Variants in KIF9 observed in about 807,000 individuals in gnomAD.
KIF9 encodes the protein kinesin-like protein KIF9.
KIF9 carries 68 observed loss-of-function variants against 94.8 expected under a neutral mutation model. The ratio of observed to expected loss-of-function variants is 0.72; its 90% CI spans 0.59 to 0.88. KIF9 has a LOEUF of 0.88. Among genes scored for constraint, KIF9 ranks in the 40% least tolerant of loss-of-function variants. KIF9 has a pLI of 0.00. For missense variants in KIF9, 882 were observed against 982.5 expected (o/e 0.90, Z 1.37); for synonymous variants, 343 against 362.1 (o/e 0.95, Z 0.60).
At position 47,255,934 on chromosome 3, in the gene KIF9, A is replaced by T. The variant is rs1006555482; in HGVS notation, c.1059+1549T>A. On this transcript the variant is annotated intron_variant, in intron 10 of 20. Coordinates refer to ENST00000684063, the MANE Select transcript of KIF9 (RefSeq NM_182902.4). ...GCCACCACACCTGACTGGTTTTCCT[A>T]TTTTTTTGGTGGAGACGGGGTTTCG... is the stretch of plus-strand genomic sequence containing the variant. Among the ~76,000 whole-genome samples, 6 of 151,956 alleles carry T rather than the reference A, an allele frequency of 3.9e-5. No individual in the cohort carries two copies. The South Asian group carries it at 1.2e-3, about 32-fold the overall frequency.
At chr3:47,242,378 A>G (rs2107182256) in intron 16 of KIF9, among the ~76,000 whole-genome samples, 1 of 152,336 alleles carries the variant, frequency 6.6e-6, no homozygotes, top group East Asian at 1.9e-4. Context: ...ATGGAGGGAT[A>G]GAAGGATAGA....
At chr3:47,252,677 G>A (rs1700348013) in intron 10 of KIF9, among the ~76,000 whole-genome samples, 1 of 152,030 alleles carries the variant, frequency 6.6e-6, no homozygotes. Context: ...CAGGTTCACG[G>A]GTAGCAATGT....
intron 5 of KIF9, among the ~76,000 whole-genome samples, chr3:47,269,768 A>ATTTTTTTT (rs36108313): frequency 1.2e-5 from 1 of 86,466 alleles, no homozygotes; most frequent in South Asian, 3.6e-4. Context: ...CTCCCAGCTA[A>ATTTTTTTT]TTTTTTTTTT....
intron 13 of KIF9, 73 bp downstream of exon 13, chr3:47,246,124 G>A (rs867266371): frequency 7.3e-7 from 1 of 1,360,862 alleles, no homozygotes; most frequent in Non-Finnish European, 1.0e-6. Context: ...GCTCTTGGAG[G>A]CAAGTGCCCA....
chr3:47,263,560 T>A (rs1260228578), intron 9 of KIF9: 1 of 239,660 alleles, frequency 4.2e-6, no homozygotes, highest in Non-Finnish European at 8.4e-6. Context: ...GTTCCTGGTG[T>A]GGGTCACATC....
In KIF9 at chr3:47,236,509, C is replaced by A. The variant is rs1407632342; in HGVS notation, c.2035G>T (p.Asp679Tyr). 1 of 1,613,990 alleles carries A rather than the reference C, an allele frequency of 6.2e-7. No individual in the cohort carries two copies. The highest frequency in any genetic ancestry group is 1.7e-5 in the Admixed American group (1 of 60,030). ...CAATACTGGATCTCAGCCCTGAGGT[C>A]ACGCAGGTCCTGGTACTCGCTGCGG... ...QYRSEYQDLR[D>Y]LRAEIQYCQH... The change falls in exon 18 of 21, where the codon GAC (aspartate) becomes TAC (tyrosine). Residue 679 changes from aspartate (D) to tyrosine (Y), a missense_variant. Coordinates refer to ENST00000684063, the MANE Select transcript of KIF9 (RefSeq NM_182902.4).
At chr3:47,250,618 CA>C (rs1700212946) in intron 10 of KIF9, 2 of 455,306 alleles carry the variant, frequency 4.4e-6, no homozygotes, top group East Asian at 6.1e-5. Flanking sequence ...TCATGAACTA[CA>C]AAAGGATCAT....
At chr3:47,249,582 T>C (rs1024222063) in intron 10 of KIF9, among the ~76,000 whole-genome samples, 1 of 152,252 alleles carries the variant, frequency 6.6e-6, no homozygotes, top group East Asian at 1.9e-4. Flanking sequence ...TTACCTCTTT[T>C]CTGCTTCTCT....
intron 20 of KIF9, among the ~76,000 whole-genome samples, chr3:47,230,699 C>G (rs1472625492): frequency 6.7e-6 from 1 of 150,142 alleles, no homozygotes; most frequent in Non-Finnish European, 1.5e-5. Flanking sequence ...CCATTGCACT[C>G]CAGCCTAGGT....
At chr3:47,268,484 T>C (rs772458802) in intron 5 of KIF9, among the ~76,000 whole-genome samples, 30 of 152,318 alleles carry the variant, frequency 2.0e-4, no homozygotes, top group Admixed American at 7.8e-4. Context: ...GCCATACCTC[T>C]ATAGCTTATA....
At chr3:47,233,547 A>AG in intron 20 of KIF9, among the ~76,000 whole-genome samples, 1 of 150,582 alleles carries the variant, frequency 6.6e-6, no homozygotes, top group African/African-American at 2.4e-5. Flanking sequence ...AAAAAAAAAA[A>AG]TTAGCTGGGC....
At chr3:47,281,579 C>G (rs1411035069) in intron 1 of KIF9, among the ~76,000 whole-genome samples, 1 of 152,108 alleles carries the variant, frequency 6.6e-6, no homozygotes, top group Non-Finnish European at 1.5e-5. Context: ...AACTCCTGAG[C>G]TCAAGCAATC....
At chr3:47,245,350 G>T in intron 14 of KIF9, 71 bp downstream of exon 14, 3 of 1,127,790 alleles carry the variant, frequency 2.7e-6, no homozygotes, top group Non-Finnish European at 2.7e-6. Flanking sequence ...ATTAATACTT[G>T]CTGGCTCTGC....
intron 15 of KIF9, chr3:47,243,968 T>G (rs1168655619): frequency 6.6e-6 from 1 of 152,274 alleles, no homozygotes; most frequent in Non-Finnish European, 1.5e-5. Context: ...GGGGTGTGAC[T>G]GCACTCATGA....
chr3:47,267,457 G>A (rs1422334487), intron 5 of KIF9, among the ~76,000 whole-genome samples, 194 bp from the exon 6 acceptor site: 1 of 152,194 alleles, frequency 6.6e-6, no homozygotes, highest in Non-Finnish European at 1.5e-5. Context: ...ACTTTCACCC[G>A]CCGCTGGGGA....
At chr3:47,262,572 C>T (rs911072678) in intron 9 of KIF9, among the ~76,000 whole-genome samples, 4 of 152,138 alleles carry the variant, frequency 2.6e-5, no homozygotes, top group Admixed American at 1.3e-4. Flanking sequence ...TACACCTGGC[C>T]TCAACCATGC....
intron 9 of KIF9, chr3:47,263,983 C>G (rs1026262537): frequency 2.0e-6 from 1 of 512,230 alleles, no homozygotes; most frequent in African/African-American, 1.9e-5. Flanking sequence ...ATTCCAGGAG[C>G]AGCACCCCAG....
intron 3 of KIF9, 29 bp from the exon 4 acceptor site, chr3:47,273,687 C>G: frequency 6.3e-7 from 1 of 1,579,886 alleles, no homozygotes; most frequent in Non-Finnish European, 8.7e-7. Flanking sequence ...ACGGTGACAT[C>G]CAGGAAAATA....
chr3:47,229,312 T>C (rs577994297), intron 20 of KIF9, among the ~76,000 whole-genome samples: 41 of 152,296 alleles, frequency 2.7e-4, no homozygotes, highest in Admixed American at 2.7e-3. Context: ...TAATGCCCCA[T>C]GGGTAACTGC....
Sources: gnomAD v4.1 joint callset for allele counts (sites outside exome capture counted in the v4.1 genomes callset) on GRCh38, gnomAD v4.1.1 for gene constraint, MANE v1.5 for transcripts, NCBI Gene and HGNC (gene_info 2026-07-23, HGNC 2026-07-21) for gene names.